Variants in CDNF observed in about 807,000 individuals in gnomAD.
CDNF encodes cerebral dopamine neurotrophic factor, also known as ARMET-like protein 1.
A neutral mutation model predicts 14.8 loss-of-function variants in CDNF; 9 were observed. That is an observed-to-expected ratio of 0.61 (90% CI 0.37 to 1.06). The LOEUF is 1.06. CDNF is among the 50% of genes least tolerant of loss of function. The pLI, the probability that CDNF is intolerant of heterozygous loss-of-function variation, is 0.01. For missense variants in CDNF, 228 were observed against 228.4 expected, an observed-to-expected ratio of 1.00 and a Z score of 0.01; for synonymous variants, 86 against 87.2, an observed-to-expected ratio of 0.99 and a Z score of 0.07.
Position 14,820,050 on chromosome 10 carries a change from G to GT in CDNF, c.493dup (p.Thr165AsnfsTer2), listed in dbSNP as rs1245164692. Reference sequence around the variant, plus strand: ...CTCTTGAATGAGATTCACATAGTCAGTTTTTTCTGCACAGGCCCTGCACTC... The same window carrying GT: ...CTCTTGAATGAGATTCACATAGTCAGTTTTTTTCTGCACAGGCCCTGCACTC... On this transcript the variant is annotated frameshift_variant, in exon 4 of 4. Transcript: ENST00000465530. LOFTEE classifies it low-confidence loss of function (END_TRUNC). 5.6e-6 allele frequency: 9 copies of GT among 1,613,986 alleles called. No individual in the cohort carries two copies. The highest frequency in any genetic ancestry group is 1.3e-5 in the African/African-American group (1 of 74,912).
At chr10:14,832,617 C>T (rs1013867114) in intron 1 of CDNF, among the ~76,000 whole-genome samples, 3 of 152,162 alleles carry the variant, frequency 2.0e-5, no homozygotes, top group Non-Finnish European at 4.4e-5. Context: ...GCAGTAGCTA[C>T]AGCAGTCATG....
At chr10:14,834,732 G>T (rs1225994249) in intron 1 of CDNF, among the ~76,000 whole-genome samples, 1 of 152,142 alleles carries the variant, frequency 6.6e-6, no homozygotes, top group Non-Finnish European at 1.5e-5. Flanking sequence ...AATATGAGAA[G>T]TGTATCAGAT....
intron 3 of CDNF, among the ~76,000 whole-genome samples, chr10:14,824,945 T>C (rs1833767075): frequency 6.6e-6 from 1 of 151,852 alleles, no homozygotes; most frequent in African/African-American, 2.4e-5. Flanking sequence ...CTAAACTCTG[T>C]GATTTCAGTG....
intron 3 of CDNF, among the ~76,000 whole-genome samples, chr10:14,821,679 G>C (rs1833739944): frequency 6.6e-6 from 1 of 152,162 alleles, no homozygotes; most frequent in African/African-American, 2.4e-5. Context: ...TTCTTTCCAA[G>C]AGATTATACT....
chr10:14,830,671 C>T (rs888790930), intron 1 of CDNF, among the ~76,000 whole-genome samples: 3 of 152,082 alleles, frequency 2.0e-5, no homozygotes, highest in East Asian at 1.9e-4. Flanking sequence ...TATGATGAAA[C>T]CCCGTCTCTA....
At chr10:14,835,908 A>G (rs1833882176) in intron 1 of CDNF, among the ~76,000 whole-genome samples, 1 of 152,246 alleles carries the variant, frequency 6.6e-6, no homozygotes, top group African/African-American at 2.4e-5. Context: ...CCAATAGCCA[A>G]TTCTACTATA....
intron 3 of CDNF, among the ~76,000 whole-genome samples, chr10:14,821,822 T>C (rs998062791): frequency 1.3e-5 from 2 of 152,166 alleles, no homozygotes; most frequent in African/African-American, 2.4e-5. Context: ...AGGAAACTCA[T>C]ATATAAAAGG....
intron 3 of CDNF, among the ~76,000 whole-genome samples, chr10:14,824,716 C>G (rs1273022891): frequency 6.6e-6 from 1 of 151,904 alleles, no homozygotes; most frequent in Non-Finnish European, 1.5e-5. Context: ...TGTGAATAAC[C>G]AATTTCCCAA....
chr10:14,829,374 G>A (rs1157874761), intron 1 of CDNF, among the ~76,000 whole-genome samples: 2 of 152,160 alleles, frequency 1.3e-5, no homozygotes, highest in Admixed American at 6.5e-5. Context: ...ACTTTGCAAG[G>A]CCAAGGCGAG....
intron 3 of CDNF, among the ~76,000 whole-genome samples, chr10:14,822,279 G>T (rs922773033): frequency 6.6e-6 from 1 of 152,126 alleles, no homozygotes; most frequent in African/African-American, 2.4e-5. Context: ...ATTATGTGCA[G>T]AAAATATCAA....
At chr10:14,835,412 G>A (rs1833878356) in intron 1 of CDNF, among the ~76,000 whole-genome samples, 1 of 152,178 alleles carries the variant, frequency 6.6e-6, no homozygotes, top group African/African-American at 2.4e-5. Context: ...TCATGACCAT[G>A]AAGAGAAGGC....
At chr10:14,835,064 C>T (rs1833875697) in intron 1 of CDNF, among the ~76,000 whole-genome samples, 2 of 152,082 alleles carry the variant, frequency 1.3e-5, no homozygotes, top group South Asian at 4.2e-4. Context: ...TCACCGTAAG[C>T]ATGACAGTAA....
intron 2 of CDNF, among the ~76,000 whole-genome samples, chr10:14,827,225 G>A (rs1833806934): frequency 6.6e-6 from 1 of 151,968 alleles, no homozygotes; most frequent in Non-Finnish European, 1.5e-5. Context: ...GGGAGACCCT[G>A]TCTCAAAAAA....
chr10:14,837,987 A>G lies in CDNF; in HGVS notation c.-41T>C, dbSNP rs112960661. On this transcript the variant is annotated 5_prime_UTR_variant, in exon 1 of 4. Transcript: ENST00000465530. ...TCAATCGCCTCCGCCACCCGCGCCC[A>G]CCGCCCACCAAGCTGCCAAAGCGAG... The G allele has an allele frequency of 9.0e-6, 13 of 1,450,314 alleles. No homozygotes were observed. The highest frequency in any genetic ancestry group is 8.4e-5 in the African/African-American group (6 of 71,754). 89.8% of individuals were successfully genotyped at this position (1,450,314 alleles called of 1,614,324 possible). A position where few individuals can be genotyped will look rare whatever the true frequency, so the allele number is the denominator to read the frequency against.
chr10:14,829,020 G>A (rs1223828867), intron 1 of CDNF, among the ~76,000 whole-genome samples: 2 of 152,098 alleles, frequency 1.3e-5, no homozygotes, highest in African/African-American at 4.8e-5. Context: ...GTGAGACCCT[G>A]TCTCAAGAAA....
chr10:14,820,004 C>T lies in CDNF; in HGVS notation c.540G>A (p.Ala180=), dbSNP rs762047925. 3.5e-5 allele frequency: 57 copies of T among 1,613,692 alleles called. No homozygotes were observed. The highest frequency in any genetic ancestry group is 4.7e-5 in the Non-Finnish European group (55 of 1,179,972). The change falls in exon 4 of 4, where the codon GCG becomes GCA. Residue 180 remains alanine, a synonymous_variant. Transcript: ENST00000465530. ...ATCAGAGCTCTGTTTTGGGGTGTGT[C>T]GCTGCATACTTGGGGGCCAGCTCTT... ...LIQELAPKYA[A]THPKTEL is the part of the protein sequence containing the mutation.
intron 2 of CDNF, among the ~76,000 whole-genome samples, chr10:14,826,095 A>AAGAAGAAGAAGAAGAAGAAGAAGCAGC (rs1426555042): frequency 1.1e-5 from 1 of 87,540 alleles, no homozygotes; most frequent in Admixed American, 1.1e-4. Flanking sequence ...GAAGAAGAAG[A>AAGAAGAAGAAGAAGAAGAAGAAGCAGC]AGCAGCAGCA....
At chr10:14,826,044 AAGAAG>A (rs1833780599) in intron 2 of CDNF, among the ~76,000 whole-genome samples, 1 of 111,810 alleles carries the variant, frequency 8.9e-6, no homozygotes, top group South Asian at 3.6e-4. Context: ...GAAGAAGAAG[AAGAAG>A]AAGAAGAAGA....
At chr10:14,829,578 A>G (rs1269043783) in intron 1 of CDNF, among the ~76,000 whole-genome samples, 1 of 152,106 alleles carries the variant, frequency 6.6e-6, no homozygotes, top group African/African-American at 2.4e-5. Flanking sequence ...AAACTTAATT[A>G]TGATCTGTGT....
Sources: gnomAD v4.1 joint callset for allele counts (sites outside exome capture counted in the v4.1 genomes callset) on GRCh38, gnomAD v4.1.1 for gene constraint, MANE v1.5 for transcripts, NCBI Gene and HGNC (gene_info 2026-07-23, HGNC 2026-07-21) for gene names.